PCDHA7: variants seen among roughly 807,000 people sequenced by gnomAD.
PCDHA7 encodes protocadherin alpha 7, also known as protocadherin alpha-7.
A neutral mutation model predicts 57.2 loss-of-function variants in PCDHA7; 37 were observed. That is an observed-to-expected ratio of 0.65 (90% CI 0.50 to 0.85). The LOEUF (loss-of-function observed/expected upper bound fraction) is 0.85. Ranked by LOEUF, PCDHA7 falls within the 40% of genes least tolerant of loss-of-function variation. PCDHA7 has a pLI of 0.00. For missense variants in PCDHA7, 1,188 were observed against 1,241.8 expected, an observed-to-expected ratio of 0.96 and a Z score of 0.65; for synonymous variants, 553 against 558.8, an observed-to-expected ratio of 0.99 and a Z score of 0.15.
intron 1 of PCDHA7, among the ~76,000 whole-genome samples, chr5:140,916,285 G>A (rs530335868): frequency 1.2e-4 from 18 of 152,154 alleles, no homozygotes; most frequent in Non-Finnish European, 2.4e-4. Flanking sequence ...TCTACTCCAC[G>A]TGGCCAAACT....
chr5:140,920,118 T>A (rs1196076867), intron 1 of PCDHA7, among the ~76,000 whole-genome samples: 1 of 152,164 alleles, frequency 6.6e-6, no homozygotes, highest in Non-Finnish European at 1.5e-5. Context: ...CTTGCCAACA[T>A]CTTGAGTTTT....
intron 1 of PCDHA7, among the ~76,000 whole-genome samples, chr5:140,972,284 T>A (rs113618936): frequency 3.6e-4 from 55 of 150,874 alleles, no homozygotes; most frequent in African/African-American, 1.3e-3. Context: ...GGACCATAGA[T>A]GTGCGCCACC....
At chr5:140,950,548 G>T (rs1363394631) in intron 1 of PCDHA7, among the ~76,000 whole-genome samples, 2 of 151,990 alleles carry the variant, frequency 1.3e-5, no homozygotes, top group African/African-American at 4.8e-5. Context: ...TTGCATGGCT[G>T]GGGGGACACT....
rs2150397998 is a variant in PCDHA7, at chr5:140,847,199, C to T, written c.2355+10461C>T. On this transcript the variant is annotated intron_variant, in intron 1 of 3. Coordinates refer to ENST00000525929, the MANE Select transcript of PCDHA7 (RefSeq NM_018910.3). ...GGCCATGAGTGATTAAGGAATTTGGCCACTCTTTAGAATTAATTGGGAGCT... is the reference window on the plus strand; with the variant it reads ...GGCCATGAGTGATTAAGGAATTTGGTCACTCTTTAGAATTAATTGGGAGCT... Among the ~76,000 whole-genome samples the T allele has an allele frequency of 2.7e-5, 4 of 149,538 alleles. No homozygotes were observed. In the East Asian group the frequency reaches 7.8e-4, roughly 29 times the overall value.
rs1554148991 is a variant in PCDHA7, at chr5:140,856,698, G to A, written c.2355+19960G>A. ...TTGTTGTTGACAGCAACTGATGGAG[G>A]CAAACCTGAATTTACCGGATCTGTT... On this transcript the variant is annotated intron_variant, in intron 1 of 3. Transcript: ENST00000525929. 3.8e-6 allele frequency: 6 copies of A among 1,596,626 alleles called. 1 individual carries two copies. In the African/African-American group the frequency reaches 8.1e-5, roughly 21 times the overall value.
At chr5:140,969,309 A>G in intron 1 of PCDHA7, 2 of 1,614,212 alleles carry the variant, frequency 1.2e-6, no homozygotes, top group Non-Finnish European at 1.7e-6. Context: ...ATTCTCAAAA[A>G]TGAGGCTGTT....
At chr5:140,852,257 T>G (rs1417638818) in intron 1 of PCDHA7, 1 of 512,112 alleles carries the variant, frequency 2.0e-6, no homozygotes, top group Non-Finnish European at 2.6e-6. Context: ...TTTTGGAATA[T>G]GCTACAATAT....
intron 1 of PCDHA7, chr5:140,882,828 A>T: frequency 6.2e-7 from 1 of 1,614,226 alleles, no homozygotes; most frequent in Non-Finnish European, 8.5e-7. Context: ...AACAGTCTTG[A>T]GCAAATGTCT....
At chr5:141,005,680 C>T (rs1389178600) in intron 3 of PCDHA7, among the ~76,000 whole-genome samples, 6 of 111,878 alleles carry the variant, frequency 5.4e-5, no homozygotes, top group East Asian at 2.8e-4. Flanking sequence ...CCAGCCTGGG[C>T]GACAGAGCGA....
At chr5:140,991,847 G>A (rs1375292594) in intron 3 of PCDHA7, among the ~76,000 whole-genome samples, 1 of 152,162 alleles carries the variant, frequency 6.6e-6, no homozygotes, top group African/African-American at 2.4e-5. Flanking sequence ...CGCACTTCCA[G>A]ATACCAAAAT....
rs1484271840 is a variant in PCDHA7 at position 140,900,260 on chromosome 5, A to G, written c.2355+63522A>G. Among the ~76,000 whole-genome samples the G allele has an allele frequency of 4.0e-5, 6 of 151,898 alleles. No homozygotes were observed. In the South Asian group the frequency reaches 1.0e-3, roughly 26 times the overall value. ...TTTTTTTATGGCTGAATAGTACTCC[A>G]TTGTGTATATGTACCACACTTTCTT... On this transcript the variant is annotated intron_variant, in intron 1 of 3. Coordinates refer to ENST00000525929, the MANE Select transcript of PCDHA7 (RefSeq NM_018910.3).
chr5:140,966,903 A>G (rs1554228870), intron 1 of PCDHA7: 2 of 1,599,926 alleles, frequency 1.3e-6, no homozygotes, highest in South Asian at 2.2e-5. Context: ...CAGCTGCGAT[A>G]CTCTGTGCCA....
chr5:141,005,333 A>T (rs1554260005), intron 3 of PCDHA7, among the ~76,000 whole-genome samples: 1 of 152,224 alleles, frequency 6.6e-6, no homozygotes, highest in Non-Finnish European at 1.5e-5. Flanking sequence ...TAATAGGCCA[A>T]GGGGGTGCTG....
In PCDHA7 at chr5:140,835,529, C is replaced by A. The variant is rs2150237591; in HGVS notation, c.1146C>A (p.Asn382Lys). 1.2e-6 allele frequency: 2 copies of A among 1,613,850 alleles called. No individual in the cohort carries two copies. Among genetic ancestry groups the A allele is most frequent in the Admixed American group, 1.7e-5 (1 of 59,998 alleles). The change falls in exon 1 of 4, where the codon AAC (asparagine) becomes AAA (lysine). Residue 382 changes from asparagine (N) to lysine (K), a missense_variant. Physicochemically the swap from Asn to Lys is moderately conservative, Grantham distance 94. Coordinates refer to ENST00000525929, the MANE Select transcript of PCDHA7 (RefSeq NM_018910.3). ...ISVFDRDFGVNGQVTCSLTPR... is the reference protein window; with the variant it reads ...ISVFDRDFGVKGQVTCSLTPR... ...TGTTTGACCGAGATTTTGGAGTCAA[C>A]GGACAGGTTACCTGCTCCCTGACGC... is the stretch of plus-strand genomic sequence containing the variant.
intron 1 of PCDHA7, chr5:140,865,219 G>C (rs2048775576): frequency 6.6e-6 from 1 of 152,062 alleles, no homozygotes; most frequent in Admixed American, 6.5e-5. Context: ...TTTCTTTAAA[G>C]GGATCCCAGA....
intron 1 of PCDHA7, chr5:140,881,263 G>A: frequency 1.7e-6 from 1 of 575,868 alleles, no homozygotes; most frequent in Non-Finnish European, 2.2e-6. Flanking sequence ...TTTACTCAGT[G>A]ATGATGAAGT....
rs139246881 is a variant in PCDHA7, at chr5:140,834,444, C to A, written c.61C>A (p.Leu21Ile). 16 of 1,613,902 alleles carry A rather than the reference C, an allele frequency of 9.9e-6. No individual in the cohort carries two copies. The African/African-American group carries it at 2.1e-4, about 22-fold the overall frequency. The change falls in exon 1 of 4, where the codon CTA (leucine) becomes ATA (isoleucine). Residue 21 changes from leucine to isoleucine, a missense_variant. Leu to Ile is a conservative substitution (Grantham distance 5). Coordinates refer to ENST00000525929, the MANE Select transcript of PCDHA7 (RefSeq NM_018910.3). ...GRHLLLFIIILAAWEAGRGQL... is the reference protein window; with the variant it reads ...GRHLLLFIIIIAAWEAGRGQL... ...ACATCTACTGCTGTTTATTATAATT[C>A]TAGCAGCTTGGGAGGCAGGGAGAGG... is the stretch of plus-strand genomic sequence containing the variant.
At chr5:140,842,393 C>T in intron 1 of PCDHA7, 4 of 1,611,054 alleles carry the variant, frequency 2.5e-6, no homozygotes, top group Non-Finnish European at 3.4e-6. Context: ...CTTATCCTTG[C>T]CTGTACGTGA....
Position 140,978,839 on chromosome 5 carries a change from C to CT in PCDHA7, c.2356-104dup, listed in dbSNP as rs5871758. On this transcript the variant is annotated intron_variant, in intron 1 of 3. Transcript: ENST00000525929. ...TACACATGAAATGGCTCATTCAATA[C>CT]TTTTTTAGATGCCTGGAAATATTTA... 14,607 of 1,556,970 alleles carry CT rather than the reference C, an allele frequency of 9.4e-3. 629 individuals carry two copies. The African/African-American group carries it at 0.12, about 13-fold the overall frequency.
Sources: gnomAD v4.1 joint callset for allele counts (sites outside exome capture counted in the v4.1 genomes callset) on GRCh38, gnomAD v4.1.1 for gene constraint, MANE v1.5 for transcripts, NCBI Gene and HGNC (gene_info 2026-07-23, HGNC 2026-07-21) for gene names.